Variants in FYB1 observed in about 807,000 individuals in gnomAD.
The protein encoded by FYB1 is FYN binding protein 1.
FYB1 carries 41 observed loss-of-function variants against 94.1 expected under a neutral mutation model. That is an observed-to-expected ratio of 0.44 (90% CI 0.34 to 0.57). The LOEUF (loss-of-function observed/expected upper bound fraction) is 0.57, where lower values mean the gene tolerates loss of function less well. Among genes scored for constraint, FYB1 ranks in the 20% least tolerant of loss-of-function variants. The pLI is 0.02. For missense variants in FYB1, 1,050 were observed against 976.8 expected (o/e 1.07, Z -1.00); for synonymous variants, 367 against 353.2 (o/e 1.04, Z -0.44).
chr5:39,206,628 A>G (rs1748880926), intron 1 of FYB1, among the ~76,000 whole-genome samples: 1 of 152,186 alleles, frequency 6.6e-6, no homozygotes, highest in Non-Finnish European at 1.5e-5. Context: ...ATTTACCAGT[A>G]CAGTATGAGT....
At chr5:39,168,721 A>G (rs1744968602) in intron 2 of FYB1, among the ~76,000 whole-genome samples, 1 of 152,240 alleles carries the variant, frequency 6.6e-6, no homozygotes, top group Non-Finnish European at 1.5e-5. Flanking sequence ...TTGTGCATAT[A>G]ATCGTGTATA....
intron 1 of FYB1, among the ~76,000 whole-genome samples, chr5:39,247,041 A>G (rs1252859991): frequency 6.9e-6 from 1 of 145,722 alleles, no homozygotes; most frequent in Non-Finnish European, 1.5e-5. Context: ...AAAGCCCATA[A>G]GATAATGGTG....
chr5:39,256,501 C>A (rs574137339), intron 1 of FYB1, among the ~76,000 whole-genome samples: 1 of 152,286 alleles, frequency 6.6e-6, no homozygotes, highest in South Asian at 2.1e-4. Flanking sequence ...AATGCCCTAC[C>A]TCTCTCCTTG....
rs10658182 is a variant in FYB1, at chr5:39,267,358, TATCATC to T, written c.-28+7039_-28+7044del. Among the ~76,000 whole-genome samples, 114 of 145,320 alleles carry T rather than the reference TATCATC, an allele frequency of 7.8e-4. 1 individual carries two copies. Among genetic ancestry groups the T allele is most frequent in the African/African-American group, 2.1e-3 (83 of 39,174 alleles). On this transcript the variant is annotated intron_variant, in intron 1 of 1. Coordinates refer to the FYB1 transcript ENST00000510188. Reference sequence around the variant, plus strand: ...CTCCACAACAATCCTGTGGGATAGCTATCATCATCATCATCATCATCATCATCATCA... The same window carrying T: ...CTCCACAACAATCCTGTGGGATAGCTATCATCATCATCATCATCATCATCA...
upstream of FYB1, among the ~76,000 whole-genome samples, chr5:39,220,990 T>C (rs1750225108): frequency 6.6e-6 from 1 of 152,226 alleles, no homozygotes; most frequent in Admixed American, 6.5e-5. Flanking sequence ...TATCTAGTCC[T>C]CTGCAGAAAA....
upstream of FYB1, among the ~76,000 whole-genome samples, chr5:39,224,413 G>T (rs1035828425): frequency 6.6e-6 from 1 of 152,084 alleles, no homozygotes; most frequent in Non-Finnish European, 1.5e-5. Context: ...CCCAAGCTTC[G>T]CCACTGCTCC....
At chr5:39,108,334 T>C (rs1738718735) in intron 17 of FYB1, 72 bp from the exon 18 acceptor site, 4 of 1,282,886 alleles carry the variant, frequency 3.1e-6, no homozygotes, top group South Asian at 1.4e-5. Flanking sequence ...TATAGAAGAA[T>C]AGAGTAACAG....
intron 1 of FYB1, among the ~76,000 whole-genome samples, chr5:39,234,912 G>T (rs576090559): frequency 2.0e-5 from 3 of 151,952 alleles, no homozygotes. Context: ...CAAGGGGTGG[G>T]ATAGTATTAG....
intron 1 of FYB1, among the ~76,000 whole-genome samples, chr5:39,261,273 C>G (rs991526392): frequency 6.8e-6 from 1 of 146,330 alleles, no homozygotes; most frequent in Non-Finnish European, 1.5e-5. Context: ...CCTGCACGTT[C>G]TGCACATGTA....
At chr5:39,188,540 CT>C (rs35086739) in intron 2 of FYB1, among the ~76,000 whole-genome samples, 1,047 of 69,600 alleles carry the variant, frequency 0.015, 18 homozygotes, top group African/African-American at 0.051. Context: ...AACTACAGCA[CT>C]TTTTTTTTTT....
chr5:39,111,488 T>C (rs940940873), intron 16 of FYB1, among the ~76,000 whole-genome samples: 3 of 151,746 alleles, frequency 2.0e-5, no homozygotes, highest in Non-Finnish European at 2.9e-5. Flanking sequence ...AACATGAAAA[T>C]ATTTTTTAAA....
chr5:39,202,704 G>T lies in FYB1; in HGVS notation c.257C>A (p.Thr86Asn). The change falls in exon 2 of 19, where the codon ACT becomes AAT. Residue 86 changes from threonine to asparagine, a missense_variant. Thr to Asn is a moderately conservative substitution (Grantham distance 65). Transcript: ENST00000512982. ...TGTTCCGAATCTTTGGCCTGCTCCAGTGGGCTTTAGAAACGGGGGCTTGGG... is the reference window on the plus strand; with the variant it reads ...TGTTCCGAATCTTTGGCCTGCTCCATTGGGCTTTAGAAACGGGGGCTTGGG... ...KEPKPPFLKPTGAGQRFGTPA... is the reference protein window; with the variant it reads ...KEPKPPFLKPNGAGQRFGTPA... 6.2e-7 allele frequency: 1 copy of T among 1,613,968 alleles called. No homozygotes were observed. The highest frequency in any genetic ancestry group is 8.5e-7 in the Non-Finnish European group (1 of 1,179,870).
At chr5:39,264,096 G>A (rs1446736643) in intron 1 of FYB1, among the ~76,000 whole-genome samples, 6 of 152,126 alleles carry the variant, frequency 3.9e-5, no homozygotes, top group South Asian at 4.1e-4. Flanking sequence ...CTCTACATTC[G>A]GATATTTTCA....
intron 1 of FYB1, among the ~76,000 whole-genome samples, chr5:39,249,490 C>A (rs1306278051): frequency 6.6e-6 from 1 of 152,132 alleles, no homozygotes; most frequent in Admixed American, 6.5e-5. Flanking sequence ...CTGACCCCTG[C>A]ACTTGGCCTT....
At chr5:39,128,280 T>A (rs1740871395) in intron 10 of FYB1, among the ~76,000 whole-genome samples, 1 of 152,150 alleles carries the variant, frequency 6.6e-6, no homozygotes, top group African/African-American at 2.4e-5. Flanking sequence ...AAAATACATA[T>A]TTTTGAAAGT....
intron 2 of FYB1, among the ~76,000 whole-genome samples, chr5:39,180,336 C>T (rs182851004): frequency 7.2e-5 from 11 of 152,336 alleles, no homozygotes; most frequent in East Asian, 5.8e-4. Context: ...TCCATTTTCA[C>T]GTGCTCACCA....
chr5:39,169,834 C>T (rs983128181), intron 2 of FYB1: 9 of 526,496 alleles, frequency 1.7e-5, no homozygotes, highest in Admixed American at 5.1e-5. Flanking sequence ...GGTGGTTATA[C>T]TGGGGTTCAC....
At chr5:39,204,728 C>A (rs756311128) in intron 1 of FYB1, among the ~76,000 whole-genome samples, 1 of 152,176 alleles carries the variant, frequency 6.6e-6, no homozygotes, top group African/African-American at 2.4e-5. Context: ...AGTGATTTTA[C>A]AAGAAATGGT....
intron 2 of FYB1, among the ~76,000 whole-genome samples, chr5:39,179,351 G>T (rs946588342): frequency 2.6e-5 from 4 of 152,054 alleles, no homozygotes; most frequent in Non-Finnish European, 5.9e-5. Flanking sequence ...CTGGGTTCCA[G>T]TGTGGGAACA....
Sources: allele counts gnomAD v4.1 joint callset (sites outside exome capture counted in the v4.1 genomes callset), GRCh38; gene constraint gnomAD v4.1.1; transcripts MANE v1.5; gene names NCBI Gene and HGNC (gene_info 2026-07-23, HGNC 2026-07-21).